The following WDR27 variants were observed in gnomAD, a reference collection of about 807,000 sequenced individuals.
WDR27 encodes WD repeat-containing protein 27.
In WDR27, 100 loss-of-function variants were observed where a neutral mutation model predicts 114.4. The ratio of observed to expected loss-of-function variants is 0.87; its 90% CI spans 0.74 to 1.03. WDR27 has a LOEUF of 1.03. WDR27 is among the 50% of genes least tolerant of loss of function. The pLI, the probability that WDR27 is intolerant of heterozygous loss-of-function variation, is 0.00. For synonymous variants in WDR27, 449 were observed against 423.1 expected, an observed-to-expected ratio of 1.06 and a Z score of -0.75; for missense variants, 1,129 against 1,092.9, an observed-to-expected ratio of 1.03 and a Z score of -0.47.
At chr6:169,459,325 A>G (rs1461888352) in intron 25 of WDR27, among the ~76,000 whole-genome samples, 1 of 152,100 alleles carries the variant, frequency 6.6e-6, no homozygotes, top group African/African-American at 2.4e-5. Flanking sequence ...TAAAGTATTT[A>G]CTAGAGGAAT....
In WDR27 at chr6:169,573,387, G is replaced by A. The variant is rs1453698695; in HGVS notation, c.2524-847C>T. On this transcript the variant is annotated intron_variant, in intron 24 of 25. Coordinates refer to ENST00000448612, the MANE Select transcript of WDR27 (RefSeq NM_182552.5). ...AATCCTCTTTTATTTCATTACAGTT[G>A]ACCCCTGAACAAGGGTTTGAACTGT... is the stretch of plus-strand genomic sequence containing the variant. Among the ~76,000 whole-genome samples, 4 of 152,132 alleles carry A rather than the reference G, an allele frequency of 2.6e-5. No individual in the cohort carries two copies. In the East Asian group the frequency reaches 7.7e-4, roughly 29 times the overall value.
chr6:169,487,835 T>C (rs1042622565), intron 25 of WDR27, among the ~76,000 whole-genome samples: 2 of 152,204 alleles, frequency 1.3e-5, no homozygotes, highest in African/African-American at 4.8e-5. Flanking sequence ...TCATGGTTAA[T>C]AGTTTGGAGT....
At chr6:169,533,119 C>A (rs1373614213) in intron 25 of WDR27, among the ~76,000 whole-genome samples, 1 of 152,060 alleles carries the variant, frequency 6.6e-6, no homozygotes, top group Non-Finnish European at 1.5e-5. Context: ...GACAGGCTCC[C>A]AGGGAAGAAC....
intron 25 of WDR27, among the ~76,000 whole-genome samples, chr6:169,568,726 C>T (rs1380446662): frequency 6.6e-6 from 1 of 152,194 alleles, no homozygotes; most frequent in Non-Finnish European, 1.5e-5. Flanking sequence ...TTGATGACCT[C>T]ACAGTCTCAT....
chr6:169,569,983 G>C (rs1316449742), intron 25 of WDR27, among the ~76,000 whole-genome samples: 3 of 152,168 alleles, frequency 2.0e-5, no homozygotes, highest in Non-Finnish European at 4.4e-5. Context: ...GGGTTTTACT[G>C]GACTTAGCCC....
intron 25 of WDR27, among the ~76,000 whole-genome samples, chr6:169,460,261 A>T (rs954539748): frequency 6.6e-6 from 1 of 152,222 alleles, no homozygotes; most frequent in Non-Finnish European, 1.5e-5. Context: ...TGGAGAACAA[A>T]ATATGTAAAA....
At chr6:169,699,131 T>C (rs1436049798) in intron 1 of WDR27, among the ~76,000 whole-genome samples, 1 of 152,172 alleles carries the variant, frequency 6.6e-6, no homozygotes, top group Non-Finnish European at 1.5e-5. Context: ...AGGAAATTAT[T>C]GCAAAGAATA....
chr6:169,641,047 A>G (rs1323627479), intron 17 of WDR27, among the ~76,000 whole-genome samples: 2 of 152,188 alleles, frequency 1.3e-5, no homozygotes, highest in Non-Finnish European at 2.9e-5. Flanking sequence ...CTGCACGTCC[A>G]GTGGCCACTA....
intron 21 of WDR27, among the ~76,000 whole-genome samples, chr6:169,621,672 A>C (rs1479956163): frequency 6.6e-6 from 1 of 151,922 alleles, no homozygotes; most frequent in East Asian, 1.9e-4. Flanking sequence ...TCACGCATAT[A>C]CATACCCACA....
intron 22 of WDR27, among the ~76,000 whole-genome samples, chr6:169,604,858 C>G (rs1276778271): frequency 1.3e-5 from 2 of 151,834 alleles, no homozygotes; most frequent in Non-Finnish European, 2.9e-5. Flanking sequence ...ATATGATCAT[C>G]TCAATAAATG....
intron 25 of WDR27, among the ~76,000 whole-genome samples, chr6:169,461,929 C>T (rs1204163066): frequency 2.6e-5 from 4 of 151,806 alleles, no homozygotes; most frequent in Non-Finnish European, 4.4e-5. Flanking sequence ...TGAGTAATTA[C>T]TCAAATCAGA....
chr6:169,533,319 G>A (rs972915475), intron 25 of WDR27, among the ~76,000 whole-genome samples: 6 of 152,032 alleles, frequency 3.9e-5, no homozygotes, highest in Non-Finnish European at 8.8e-5. Flanking sequence ...GGGGGCGGTG[G>A]TGAGGTGAGA....
chr6:169,437,923 A>T, the WDR27 span, among the ~76,000 whole-genome samples: 1 of 152,004 alleles, frequency 6.6e-6, no homozygotes, highest in Non-Finnish European at 1.5e-5. Context: ...CTTTTATGTT[A>T]GATTCAGCGG....
At chr6:169,454,313 G>T (rs1252599378), downstream of WDR27, among the ~76,000 whole-genome samples, 1 of 152,138 alleles carries the variant, frequency 6.6e-6, no homozygotes, top group Non-Finnish European at 1.5e-5. Flanking sequence ...CTAGGTATCT[G>T]AGAAAGATTT....
intron 19 of WDR27, among the ~76,000 whole-genome samples, chr6:169,635,128 G>A (rs1817353774): frequency 6.6e-6 from 1 of 152,144 alleles, no homozygotes; most frequent in African/African-American, 2.4e-5. Flanking sequence ...AGCACTTTGG[G>A]AGGCCGAGGC....
chr6:169,600,772 T>C (rs1020158106), intron 23 of WDR27, among the ~76,000 whole-genome samples: 1 of 152,156 alleles, frequency 6.6e-6, no homozygotes, highest in Non-Finnish European at 1.5e-5. Flanking sequence ...GAAAAAAGAA[T>C]AAAAAGAAAC....
chr6:169,654,021 TTTGA>T (rs1823328296), intron 13 of WDR27, among the ~76,000 whole-genome samples: 1 of 152,220 alleles, frequency 6.6e-6, no homozygotes, highest in Admixed American at 6.5e-5. Context: ...GCAAATCTCC[TTTGA>T]GAGAACACAG....
At chr6:169,449,161 G>A in the WDR27 span, among the ~76,000 whole-genome samples, 3 of 152,146 alleles carry the variant, frequency 2.0e-5, no homozygotes, top group Non-Finnish European at 4.4e-5. Context: ...CTGCCATATA[G>A]AATGTAGCCT....
intron 25 of WDR27, among the ~76,000 whole-genome samples, chr6:169,501,706 G>A (rs1000868521): frequency 2.4e-5 from 1 of 41,730 alleles, no homozygotes; most frequent in South Asian, 7.4e-4. Context: ...TTATCTTCCC[G>A]ACCCTTTTCT....
Sources: gnomAD v4.1 joint callset for allele counts (sites outside exome capture counted in the v4.1 genomes callset) on GRCh38, gnomAD v4.1.1 for gene constraint, MANE v1.5 for transcripts, NCBI Gene and HGNC (gene_info 2026-07-23, HGNC 2026-07-21) for gene names.